Variants in LDLRAD3 observed in about 807,000 individuals in gnomAD.
The protein encoded by LDLRAD3 is low density lipoprotein receptor class A domain containing 3, also known as low-density lipoprotein receptor class A domain-containing protein 3.
LDLRAD3 carries 20 observed loss-of-function variants against 29.4 expected under a neutral mutation model. The observed-to-expected ratio is 0.68, with a 90% CI of 0.48 to 0.99. The LOEUF is 0.99. Ranked by LOEUF, LDLRAD3 falls within the 50% of genes least tolerant of loss-of-function variation. The pLI is 0.00. For missense variants in LDLRAD3, 420 were observed against 454.3 expected (o/e 0.92, Z 0.69); for synonymous variants, 157 against 192.7 (o/e 0.81, Z 1.53).
chr11:36,168,483 G>A (rs4756290), intron 4 of LDLRAD3, among the ~76,000 whole-genome samples: 16,577 of 137,220 alleles, frequency 0.12, 1,103 homozygotes, highest in Middle Eastern at 0.2. Flanking sequence ...ATTTTATTCC[G>A]TTTTTTTCTT....
chr11:35,985,524 G>A (rs1349757514), intron 1 of LDLRAD3, among the ~76,000 whole-genome samples: 5 of 152,166 alleles, frequency 3.3e-5, no homozygotes, highest in African/African-American at 9.7e-5. Flanking sequence ...GGAGGCAAAT[G>A]TGGGAGATAC....
At chr11:35,994,805 C>T (rs868597879) in intron 1 of LDLRAD3, among the ~76,000 whole-genome samples, 1 of 152,212 alleles carries the variant, frequency 6.6e-6, no homozygotes, top group African/African-American at 2.4e-5. Context: ...TTCATAGCAT[C>T]TCCATCAGGA....
At chr11:36,150,387 G>A (rs528914160) in intron 4 of LDLRAD3, among the ~76,000 whole-genome samples, 73 of 152,148 alleles carry the variant, frequency 4.8e-4, no homozygotes, top group African/African-American at 1.7e-3. Flanking sequence ...AATTAGCCAG[G>A]CGTGGTACCA....
intron 1 of LDLRAD3, among the ~76,000 whole-genome samples, chr11:36,024,522 A>C (rs1022076810): frequency 6.6e-6 from 1 of 152,170 alleles, no homozygotes; most frequent in African/African-American, 2.4e-5. Context: ...AGAATTAGGC[A>C]TTAGAACCCA....
intron 4 of LDLRAD3, among the ~76,000 whole-genome samples, chr11:36,204,203 G>A (rs1395443790): frequency 6.6e-6 from 1 of 152,090 alleles, no homozygotes; most frequent in Non-Finnish European, 1.5e-5. Context: ...GAGGAAAATC[G>A]GAGGCTCTGG....
chr11:36,138,745 G>T (rs1854037612), intron 4 of LDLRAD3, among the ~76,000 whole-genome samples: 1 of 152,230 alleles, frequency 6.6e-6, no homozygotes, highest in Non-Finnish European at 1.5e-5. Flanking sequence ...GATGCTTGGG[G>T]GGTTTGAGGG....
At chr11:36,025,923 G>A (rs1852161176) in intron 1 of LDLRAD3, among the ~76,000 whole-genome samples, 1 of 151,342 alleles carries the variant, frequency 6.6e-6, no homozygotes, top group East Asian at 2.0e-4. Flanking sequence ...GGGGTTATAG[G>A]CATGCACCAC....
intron 2 of LDLRAD3, among the ~76,000 whole-genome samples, chr11:36,076,899 T>G (rs557413931): frequency 6.6e-6 from 1 of 152,216 alleles, no homozygotes; most frequent in Non-Finnish European, 1.5e-5. Context: ...TTTCCTGAGT[T>G]ACTTAGGCTG....
At chr11:35,973,769 T>C (rs73448420) in intron 1 of LDLRAD3, among the ~76,000 whole-genome samples, 11,853 of 152,018 alleles carry the variant, frequency 0.078, 1,468 homozygotes, top group African/African-American at 0.26. Flanking sequence ...CCGTGCCCAA[T>C]CACATTTGTA....
At chr11:36,116,226 A>G (rs1461753264) in intron 4 of LDLRAD3, among the ~76,000 whole-genome samples, 1 of 152,164 alleles carries the variant, frequency 6.6e-6, no homozygotes, top group East Asian at 1.9e-4. Context: ...CTTTCGAAAA[A>G]CACCAAATTG....
chr11:36,231,581 T>C lies in LDLRAD3; in HGVS notation c.*2184T>C, dbSNP rs1370384675. 1 of 152,224 alleles carries C rather than the reference T, an allele frequency of 6.6e-6. No homozygotes were observed. Among genetic ancestry groups the C allele is most frequent in the Non-Finnish European group, 1.5e-5 (1 of 68,044 alleles). 9.4% of individuals were successfully genotyped at this position (152,224 alleles called of 1,614,324 possible). On this transcript the variant is annotated 3_prime_UTR_variant, in exon 6 of 6. Coordinates refer to ENST00000315571, the MANE Select transcript of LDLRAD3 (RefSeq NM_174902.4). The stretch of plus-strand genomic sequence containing the variant: ...GCGCAGTGAGTTAATCTCACTCGCT[T>C]TTCTGCTTCCAGGCATCTTAGGAAA...
intron 4 of LDLRAD3, among the ~76,000 whole-genome samples, chr11:36,110,943 C>T (rs751873317): frequency 3.3e-5 from 5 of 152,072 alleles, no homozygotes; most frequent in Non-Finnish European, 7.4e-5. Context: ...TGAAAACAAA[C>T]GTGGGGCTGG....
At chr11:36,024,078 C>T (rs1852131694) in intron 1 of LDLRAD3, among the ~76,000 whole-genome samples, 1 of 152,086 alleles carries the variant, frequency 6.6e-6, no homozygotes, top group East Asian at 1.9e-4. Context: ...TCCAGCTAAC[C>T]AGCCCAGATT....
At chr11:36,181,231 A>T (rs1463176747) in intron 4 of LDLRAD3, among the ~76,000 whole-genome samples, 2 of 6,976 alleles carry the variant, frequency 2.9e-4, no homozygotes, top group Non-Finnish European at 7.1e-4. Flanking sequence ...TACACATGGT[A>T]AAAAAAAAAA....
At chr11:35,971,172 T>A (rs1003547612) in intron 1 of LDLRAD3, among the ~76,000 whole-genome samples, 1 of 151,930 alleles carries the variant, frequency 6.6e-6, no homozygotes, top group African/African-American at 2.4e-5. Context: ...CCATCTGAAC[T>A]CCCACCCCTG....
At chr11:36,185,062 C>G (rs771262178) in intron 4 of LDLRAD3, among the ~76,000 whole-genome samples, 1 of 151,962 alleles carries the variant, frequency 6.6e-6, no homozygotes, top group Non-Finnish European at 1.5e-5. Flanking sequence ...GGTTTTTTCC[C>G]CAGTAGGGGA....
intron 2 of LDLRAD3, among the ~76,000 whole-genome samples, chr11:36,075,219 A>G (rs1390285867): frequency 1.3e-5 from 2 of 152,148 alleles, no homozygotes; most frequent in Admixed American, 6.5e-5. Flanking sequence ...TTGTTGCTGG[A>G]GGAATTAAGC....
At chr11:36,055,153 C>G (rs1361614835) in intron 2 of LDLRAD3, among the ~76,000 whole-genome samples, 1 of 30,636 alleles carries the variant, frequency 3.3e-5, no homozygotes. Context: ...CACACACACA[C>G]ACACTTGCTC....
intron 3 of LDLRAD3, among the ~76,000 whole-genome samples, chr11:36,084,869 C>T: frequency 6.6e-6 from 1 of 152,216 alleles, no homozygotes; most frequent in South Asian, 2.1e-4. Flanking sequence ...GAAACCTTGC[C>T]ACTCTCTAGG....
Sources: gnomAD v4.1 joint callset for allele counts (sites outside exome capture counted in the v4.1 genomes callset) on GRCh38, gnomAD v4.1.1 for gene constraint, MANE v1.5 for transcripts, NCBI Gene and HGNC (gene_info 2026-07-23, HGNC 2026-07-21) for gene names.